Variants in RAP1A observed in about 807,000 individuals in gnomAD.
RAP1A encodes ras-related protein Rap-1A.
RAP1A carries 6 observed loss-of-function variants against 26.4 expected under a neutral mutation model. That is an observed-to-expected ratio of 0.23 (90% CI 0.12 to 0.45). The LOEUF (loss-of-function observed/expected upper bound fraction) is 0.45, where lower values mean the gene tolerates loss of function less well. Ranked by LOEUF, RAP1A falls within the 20% of genes least tolerant of loss-of-function variation. RAP1A has a pLI of 0.99. For missense variants in RAP1A, 121 were observed against 217.2 expected (o/e 0.56, Z 2.78); for synonymous variants, 73 against 79.4 (o/e 0.92, Z 0.43).
chr1:111,662,167 G>A (rs1025523649), intron 1 of RAP1A, among the ~76,000 whole-genome samples: 21 of 151,926 alleles, frequency 1.4e-4, no homozygotes, highest in Admixed American at 5.9e-4. Context: ...AGGCCGAGGC[G>A]GGCAGATCAT....
chr1:111,680,402 A>G (rs1044712408), intron 1 of RAP1A, among the ~76,000 whole-genome samples: 3 of 152,010 alleles, frequency 2.0e-5, no homozygotes, highest in East Asian at 3.9e-4. Flanking sequence ...TGCATTTACA[A>G]TCCTTTAGCT....
At chr1:111,564,303 G>A (rs533250158) in intron 1 of RAP1A, among the ~76,000 whole-genome samples, 1 of 152,056 alleles carries the variant, frequency 6.6e-6, no homozygotes. Flanking sequence ...TAACATTCCT[G>A]CTGTCAATAA....
chr1:111,710,529 G>T lies in RAP1A; in HGVS notation c.*29+1265G>T, dbSNP rs538897693. Among the ~76,000 whole-genome samples the T allele has an allele frequency of 1.8e-4, 28 of 152,342 alleles. No individual in the cohort carries two copies. In the South Asian group the frequency reaches 3.9e-3, roughly 21 times the overall value. On this transcript the variant is annotated intron_variant, in intron 7 of 7. Coordinates refer to ENST00000369709, the MANE Select transcript of RAP1A (RefSeq NM_002884.4). ...TGATTATTACTAAACTTGGTCTCCA[G>T]TTGGAGTAAACTGGTCCCACTGGAA...
intron 1 of RAP1A, among the ~76,000 whole-genome samples, chr1:111,658,464 T>C (rs1660533931): frequency 6.6e-6 from 1 of 152,180 alleles, no homozygotes; most frequent in Non-Finnish European, 1.5e-5. Flanking sequence ...CACAAACACA[T>C]TGTTGTCTGT....
intron 4 of RAP1A, among the ~76,000 whole-genome samples, chr1:111,700,312 A>G (rs1305979639): frequency 6.6e-6 from 1 of 152,218 alleles, no homozygotes; most frequent in Non-Finnish European, 1.5e-5. Flanking sequence ...AGGCTATACA[A>G]GCATAGCTCC....
At chr1:111,549,514 G>T (rs561809135) in intron 1 of RAP1A, among the ~76,000 whole-genome samples, 1 of 151,856 alleles carries the variant, frequency 6.6e-6, no homozygotes, top group East Asian at 1.9e-4. Flanking sequence ...ACCTGGTGTG[G>T]TGGCATGCGC....
chr1:111,669,380 G>T (rs150513273), intron 1 of RAP1A, among the ~76,000 whole-genome samples: 4 of 152,318 alleles, frequency 2.6e-5, no homozygotes, highest in African/African-American at 7.2e-5. Flanking sequence ...ATTGAAATGT[G>T]TGTAACTTCT....
At chr1:111,544,757 G>A (rs970443583) in intron 1 of RAP1A, among the ~76,000 whole-genome samples, 2 of 151,044 alleles carry the variant, frequency 1.3e-5, no homozygotes, top group African/African-American at 2.4e-5. Context: ...CAATTTCTTG[G>A]GTATATCCAA....
intron 1 of RAP1A, among the ~76,000 whole-genome samples, chr1:111,687,207 A>AT (rs776498522): frequency 5.2e-5 from 6 of 114,460 alleles, no homozygotes; most frequent in African/African-American, 1.6e-4. Flanking sequence ...GATTGAGTTG[A>AT]ATTTTTTTTT....
intron 1 of RAP1A, among the ~76,000 whole-genome samples, chr1:111,638,321 CTT>C (rs1409108649): frequency 2.0e-5 from 3 of 152,000 alleles, no homozygotes; most frequent in Non-Finnish European, 2.9e-5. Flanking sequence ...TTGCGTATGT[CTT>C]TGTTTTTTAT....
At chr1:111,575,342 C>G (rs370133296) in intron 1 of RAP1A, among the ~76,000 whole-genome samples, 1 of 152,034 alleles carries the variant, frequency 6.6e-6, no homozygotes, top group Non-Finnish European at 1.5e-5. Flanking sequence ...TTAGTAGAGA[C>G]GGGTTTCGCC....
intron 1 of RAP1A, among the ~76,000 whole-genome samples, chr1:111,653,238 G>T (rs1660332062): frequency 6.6e-6 from 1 of 152,168 alleles, no homozygotes; most frequent in Non-Finnish European, 1.5e-5. Context: ...ATTAGTGGTT[G>T]CCAGAGACTG....
intron 1 of RAP1A, among the ~76,000 whole-genome samples, chr1:111,552,867 T>C (rs1011485851): frequency 1.3e-5 from 2 of 152,228 alleles, no homozygotes; most frequent in African/African-American, 4.8e-5. Flanking sequence ...AAGTGATTAG[T>C]ACTAGGCCTG....
intron 1 of RAP1A, among the ~76,000 whole-genome samples, chr1:111,665,108 T>C (rs1242780904): frequency 6.6e-6 from 1 of 152,200 alleles, no homozygotes; most frequent in Non-Finnish European, 1.5e-5. Context: ...GGAAAGAGCA[T>C]TGTAAGTGAC....
chr1:111,607,740 G>A (rs894739276), intron 1 of RAP1A, among the ~76,000 whole-genome samples: 1 of 135,442 alleles, frequency 7.4e-6, no homozygotes, highest in Non-Finnish European at 1.6e-5. Context: ...GGGCAGAGGG[G>A]CTCCTCACTT....
chr1:111,695,667 A>C (rs779182266), intron 3 of RAP1A, among the ~76,000 whole-genome samples: 30 of 152,204 alleles, frequency 2.0e-4, no homozygotes, highest in Non-Finnish European at 3.5e-4. Context: ...CCACATATGA[A>C]AAAATTGCAT....
intron 1 of RAP1A, among the ~76,000 whole-genome samples, chr1:111,612,411 T>C (rs1319642786): frequency 3.3e-5 from 5 of 149,326 alleles, no homozygotes; most frequent in African/African-American, 1.3e-4. Context: ...AAGAACTTTA[T>C]ATATAAAGTC....
intron 2 of RAP1A, among the ~76,000 whole-genome samples, chr1:111,694,671 A>T (rs1661774161): frequency 3.9e-5 from 6 of 152,242 alleles, no homozygotes; most frequent in Admixed American, 3.9e-4. Context: ...CTCAGCTGGC[A>T]AATAGGAAGA....
intron 1 of RAP1A, among the ~76,000 whole-genome samples, chr1:111,578,631 C>T (rs1658191300): frequency 6.6e-6 from 1 of 152,142 alleles, no homozygotes; most frequent in Admixed American, 6.6e-5. Context: ...TCTCTGCTCC[C>T]TATTTACTCA....
Sources: allele counts gnomAD v4.1 joint callset (sites outside exome capture counted in the v4.1 genomes callset), GRCh38; gene constraint gnomAD v4.1.1; transcripts MANE v1.5; gene names NCBI Gene and HGNC (gene_info 2026-07-23, HGNC 2026-07-21).